The following GRIK1 variants were observed in gnomAD, a reference collection of about 807,000 sequenced individuals.
GRIK1 encodes glutamate receptor ionotropic, kainate 1.
In GRIK1, 69 loss-of-function variants were observed where a neutral mutation model predicts 105.7. The observed-to-expected ratio is 0.65, with a 90% CI of 0.54 to 0.80. GRIK1 has a LOEUF of 0.80. Among genes scored for constraint, GRIK1 ranks in the 30% least tolerant of loss-of-function variants. The pLI is 0.00. For synonymous variants in GRIK1, 438 were observed against 431.3 expected, an observed-to-expected ratio of 1.02 and a Z score of -0.19; for missense variants, 1,109 against 1,167.3, an observed-to-expected ratio of 0.95 and a Z score of 0.73.
At chr21:29,881,235 G>A (rs2069396131) in intron 1 of GRIK1, among the ~76,000 whole-genome samples, 1 of 152,038 alleles carries the variant, frequency 6.6e-6, no homozygotes, top group Admixed American at 6.6e-5. Context: ...TGTAATTTAT[G>A]TCCAATTTAT....
intron 1 of GRIK1, among the ~76,000 whole-genome samples, chr21:29,755,168 T>C (rs567400509): frequency 2.0e-4 from 30 of 152,304 alleles, no homozygotes; most frequent in Non-Finnish European, 4.0e-4. Flanking sequence ...CTCACCTCCT[T>C]TAAACTAGAG....
intron 7 of GRIK1, among the ~76,000 whole-genome samples, chr21:29,612,060 G>GA (rs1403153819): frequency 1.3e-5 from 2 of 152,220 alleles, no homozygotes; most frequent in African/African-American, 4.8e-5. Flanking sequence ...CACAAGGCTA[G>GA]AATGGGCTGT....
At chr21:29,881,773 C>G (rs1221737482) in intron 1 of GRIK1, among the ~76,000 whole-genome samples, 9 of 152,022 alleles carry the variant, frequency 5.9e-5, no homozygotes, top group Non-Finnish European at 1.3e-4. Context: ...TGGAATCATC[C>G]CTTGATATAA....
At chr21:29,755,702 C>T (rs1023650726) in intron 1 of GRIK1, among the ~76,000 whole-genome samples, 3 of 152,094 alleles carry the variant, frequency 2.0e-5, no homozygotes, top group African/African-American at 7.2e-5. Flanking sequence ...GGAATGAGAA[C>T]TGGAGGAGAG....
At chr21:29,656,354 CAAAAAAAAAAAAAAAAAAAAAAA>C (rs3054331) in intron 4 of GRIK1, among the ~76,000 whole-genome samples, 28 of 51,170 alleles carry the variant, frequency 5.5e-4, no homozygotes, top group East Asian at 1.6e-3. Flanking sequence ...GAGCGAGACT[CAAAAAAAAAAAAAAAAAAAAAAA>C]AAAAAAAAAA....
At chr21:29,715,285 C>G (rs973676527) in intron 1 of GRIK1, among the ~76,000 whole-genome samples, 2 of 152,176 alleles carry the variant, frequency 1.3e-5, no homozygotes, top group East Asian at 3.9e-4. Flanking sequence ...TAGCAGTTTC[C>G]CCTAGGACTA....
chr21:29,788,822 CATA>C (rs1311465268), intron 1 of GRIK1, among the ~76,000 whole-genome samples: 2 of 152,124 alleles, frequency 1.3e-5, no homozygotes, highest in Non-Finnish European at 2.9e-5. Flanking sequence ...ATGCACAATT[CATA>C]ATAGGGTTCA....
intron 1 of GRIK1, among the ~76,000 whole-genome samples, chr21:29,703,455 C>A (rs959753733): frequency 3.3e-5 from 5 of 151,356 alleles, no homozygotes; most frequent in African/African-American, 1.2e-4. Context: ...CTCTCTATTG[C>A]CACATCCATA....
At chr21:29,771,323 C>T (rs879398881) in intron 1 of GRIK1, among the ~76,000 whole-genome samples, 8 of 152,194 alleles carry the variant, frequency 5.3e-5, no homozygotes, top group Non-Finnish European at 1.0e-4. Flanking sequence ...GGATTCACTA[C>T]TGTTAATAAA....
intron 1 of GRIK1, among the ~76,000 whole-genome samples, chr21:29,912,540 G>A (rs1265317809): frequency 6.6e-6 from 1 of 152,038 alleles, no homozygotes; most frequent in East Asian, 1.9e-4. Flanking sequence ...TGACTATTGA[G>A]CCACTTTTTG....
intron 1 of GRIK1, among the ~76,000 whole-genome samples, chr21:29,831,919 T>A (rs2067653538): frequency 6.6e-6 from 1 of 152,160 alleles, no homozygotes; most frequent in Non-Finnish European, 1.5e-5. Flanking sequence ...ACAAGGTAAG[T>A]CCCTTTCACC....
At chr21:29,703,368 A>G (rs1007508991) in intron 1 of GRIK1, among the ~76,000 whole-genome samples, 2 of 152,232 alleles carry the variant, frequency 1.3e-5, no homozygotes, top group Admixed American at 1.3e-4. Flanking sequence ...TCCAGAAGCT[A>G]TCAACAGAAA....
chr21:29,733,941 A>G (rs575382036), intron 1 of GRIK1, among the ~76,000 whole-genome samples: 10 of 152,200 alleles, frequency 6.6e-5, no homozygotes, highest in African/African-American at 2.4e-4. Flanking sequence ...AATTAGTTTT[A>G]CTATTATATT....
At chr21:29,742,792 G>C (rs889429498) in intron 1 of GRIK1, among the ~76,000 whole-genome samples, 1 of 152,226 alleles carries the variant, frequency 6.6e-6, no homozygotes, top group Middle Eastern at 3.4e-3. Context: ...TGAATCTGAG[G>C]TTACATTTTT....
intron 1 of GRIK1, among the ~76,000 whole-genome samples, chr21:29,753,742 G>C (rs907118096): frequency 2.6e-5 from 4 of 152,190 alleles, no homozygotes; most frequent in Admixed American, 1.3e-4. Context: ...TTGATTTCAT[G>C]TACAGGTGTA....
At chr21:29,653,641 TG>T (rs1293016529) in intron 5 of GRIK1, among the ~76,000 whole-genome samples, 2 of 152,226 alleles carry the variant, frequency 1.3e-5, no homozygotes, top group African/African-American at 4.8e-5. Flanking sequence ...GAACCATATT[TG>T]TAAGCAGAGT....
At chr21:29,845,198 T>C (rs2068081572) in intron 1 of GRIK1, among the ~76,000 whole-genome samples, 1 of 152,290 alleles carries the variant, frequency 6.6e-6, no homozygotes, top group Admixed American at 6.5e-5. Context: ...TTTCTTTATA[T>C]TCTTGGAATT....
chr21:29,796,186 A>T (rs779777543), intron 1 of GRIK1, among the ~76,000 whole-genome samples: 37 of 152,200 alleles, frequency 2.4e-4, no homozygotes, highest in African/African-American at 3.4e-4. Context: ...AATTTGAATT[A>T]TATCTCATTC....
chr21:29,835,866 T>A (rs527355538), intron 1 of GRIK1, among the ~76,000 whole-genome samples: 1 of 152,302 alleles, frequency 6.6e-6, no homozygotes, highest in Non-Finnish European at 1.5e-5. Context: ...TGCTTGGTGA[T>A]TTTGGTACAG....
Sources: allele counts gnomAD v4.1 joint callset (sites outside exome capture counted in the v4.1 genomes callset), GRCh38; gene constraint gnomAD v4.1.1; transcripts MANE v1.5; gene names NCBI Gene and HGNC (gene_info 2026-07-23, HGNC 2026-07-21).